NIN: variants seen among roughly 807,000 people sequenced by gnomAD.
NIN encodes ninein, also known as glycogen synthase kinase 3 beta-interacting protein.
NIN carries 137 observed loss-of-function variants against 257.6 expected under a neutral mutation model. That is an observed-to-expected ratio of 0.53 (90% CI 0.46 to 0.61). The LOEUF (loss-of-function observed/expected upper bound fraction) is 0.61, where lower values mean the gene tolerates loss of function less well. Ranked by LOEUF, NIN falls within the 20% of genes least tolerant of loss-of-function variation. The pLI, the probability that NIN is intolerant of heterozygous loss-of-function variation, is 0.00. For missense variants in NIN, 2,439 were observed against 2,501.2 expected (o/e 0.98, Z 0.53); for synonymous variants, 918 against 919.8 (o/e 1.00, Z 0.04).
At position 50,756,789 on chromosome 14, in the gene NIN, C is replaced by G. The variant is rs775121877; in HGVS notation, c.4241G>C (p.Gly1414Ala). The G allele has an allele frequency of 3.2e-6, 5 of 1,551,408 alleles. No individual in the cohort carries two copies. In the South Asian group the frequency reaches 4.8e-5, roughly 15 times the overall value. The change falls in exon 18 of 31, where the codon GGA becomes GCA. Residue 1414 changes from glycine (G) to alanine (A), a missense_variant. Gly to Ala is a moderately conservative substitution (Grantham distance 60). Transcript: ENST00000530997. ...CCTTTCTTGATGTGTCTGAATTGTT[C>G]CATGTAACCAGGCAATTTCATGTGC... ...VKAHEIAWLH[G>A]TIQTHQERPR...
rs994791073 is a variant in NIN at position 50,831,089 on chromosome 14, G to T, written c.-159C>A. The T allele has an allele frequency of 4.7e-5, 7 of 149,794 alleles. No individual in the cohort carries two copies. The highest frequency in any genetic ancestry group is 1.7e-4 in the African/African-American group (7 of 41,164). 9.3% of individuals were successfully genotyped at this position (149,794 alleles called of 1,614,324 possible). ...CCGGGCTTGGCGGCGGCAGCGGGAC[G>T]GCCGCGCCCAGCGCGCTCGGCTCCC... On this transcript the variant is annotated 5_prime_UTR_variant, in exon 1 of 31. Transcript: ENST00000530997.
chr14:50,762,566 G>T (rs1430378021), intron 15 of NIN, among the ~76,000 whole-genome samples: 2 of 152,142 alleles, frequency 1.3e-5, no homozygotes, highest in African/African-American at 4.8e-5. Context: ...CAGGGCATAG[G>T]TTAGGAACCA....
At chr14:50,763,173 T>C (rs900395242) in intron 15 of NIN, among the ~76,000 whole-genome samples, 1 of 152,022 alleles carries the variant, frequency 6.6e-6, no homozygotes, top group Admixed American at 6.5e-5. Flanking sequence ...TATAACAGAA[T>C]AACTGATTAT....
At chr14:50,749,578 T>C (rs2140663418) in intron 21 of NIN, among the ~76,000 whole-genome samples, 1 of 152,360 alleles carries the variant, frequency 6.6e-6, no homozygotes, top group East Asian at 1.9e-4. Context: ...ACTGGGGTGT[T>C]TGCCTAATGA....
At chr14:50,794,097 T>C (rs1358009017) in intron 4 of NIN, among the ~76,000 whole-genome samples, 4 of 152,206 alleles carry the variant, frequency 2.6e-5, no homozygotes, top group African/African-American at 9.7e-5. Flanking sequence ...GACCGTTCCT[T>C]TATCACCATT....
intron 20 of NIN, among the ~76,000 whole-genome samples, chr14:50,753,405 G>C (rs960604171): frequency 6.6e-6 from 1 of 151,606 alleles, no homozygotes. Flanking sequence ...CGTCTCAAAA[G>C]GAAAAAAGAC....
At chr14:50,816,913 G>A (rs2044926859) in intron 3 of NIN, among the ~76,000 whole-genome samples, 1 of 152,146 alleles carries the variant, frequency 6.6e-6, no homozygotes, top group Non-Finnish European at 1.5e-5. Context: ...ACACAACGAT[G>A]TACTGTACAC....
intron 1 of NIN, 69 bp from the exon 2 acceptor site, chr14:50,830,586 G>A (rs999053807): frequency 6.0e-6 from 1 of 167,914 alleles, no homozygotes; most frequent in East Asian, 1.9e-4. Context: ...CCGGCGCAGC[G>A]GTTCCGGGCG....
At position 50,756,884 on chromosome 14, in the gene NIN, A is replaced by AT. The variant is rs1281148205; in HGVS notation, c.4145dup (p.His1382GlnfsTer7). The AT allele has an allele frequency of 6.4e-7, 1 of 1,553,816 alleles. No homozygotes were observed. The highest frequency in any genetic ancestry group is 8.7e-7 in the Non-Finnish European group (1 of 1,147,810). On this transcript the variant is annotated frameshift_variant, in exon 18 of 31. Transcript: ENST00000530997. LOFTEE classifies it high-confidence loss of function. ...TTTCTTGCTTACATTCCTCTATGAC[A>AT]TGATGTACACTCCTAACCCTGGGCA...
At position 50,757,900 on chromosome 14, in the gene NIN, C is replaced by G. The variant is rs2042105949; in HGVS notation, c.3130G>C (p.Val1044Leu). 1 of 1,614,180 alleles carries G rather than the reference C, an allele frequency of 6.2e-7. No individual in the cohort carries two copies. Among genetic ancestry groups the G allele is most frequent in the African/African-American group, 1.3e-5 (1 of 75,052 alleles). Residue 1044 changes from valine (V) to leucine (L), a missense_variant, in exon 18 of 31, where the codon GTG becomes CTG. By Grantham distance (32) the Val-to-Leu change is conservative (BLOSUM62 1). Around this residue, in one of 3 missense-constraint regions of NIN, gnomAD observed 2,043 missense variants for 2,050.2 expected, o/e 1.00. Coordinates refer to ENST00000530997, the MANE Select transcript of NIN (RefSeq NM_020921.4). ...SGCQVIGEEE[V>L]EGDGALSLLQ... Reference sequence around the variant, plus strand: ...AGGGACAGGGCTCCATCTCCTTCCACCTCCTCCTCTCCTATCACCTGGCAA... The same window carrying G: ...AGGGACAGGGCTCCATCTCCTTCCAGCTCCTCCTCTCCTATCACCTGGCAA...
rs764458865 is a variant in NIN at position 50,727,704 on chromosome 14, CCTT to C, written c.6079-1641_6079-1639del. On this transcript the variant is annotated intron_variant, in intron 29 of 30. Transcript: ENST00000530997. ...AGCCCAGTTTTCACAGGTGCCCAAT[CCTT>C]CTGTAGGAATCTGCGTGCACTGCTC... is the stretch of plus-strand genomic sequence containing the variant. The C allele has an allele frequency of 2.9e-5, 41 of 1,438,322 alleles. No individual in the cohort carries two copies. In the Middle Eastern group the frequency reaches 7.7e-4, roughly 27 times the overall value. 89.1% of individuals were successfully genotyped at this position (1,438,322 alleles called of 1,614,324 possible). A position where few individuals can be genotyped will look rare whatever the true frequency, so the allele number is the denominator to read the frequency against.
At chr14:50,815,536 C>T (rs2044851783) in intron 3 of NIN, among the ~76,000 whole-genome samples, 4 of 152,054 alleles carry the variant, frequency 2.6e-5, no homozygotes, top group African/African-American at 9.7e-5. Flanking sequence ...AATCCCATTA[C>T]TAAGTATATA....
intron 3 of NIN, among the ~76,000 whole-genome samples, chr14:50,814,462 A>C (rs956903253): frequency 1.2e-4 from 19 of 152,206 alleles, no homozygotes; most frequent in Non-Finnish European, 1.2e-4. Context: ...ATCTTAGTCC[A>C]CCTTCATCAC....
intron 5 of NIN, among the ~76,000 whole-genome samples, chr14:50,788,204 G>T (rs1017839400): frequency 6.6e-6 from 1 of 152,124 alleles, no homozygotes; most frequent in East Asian, 1.9e-4. Flanking sequence ...CAGGAGAGGA[G>T]GCCAAGGTGG....
rs761475437 is a variant in NIN at position 50,778,756 on chromosome 14, G to A, written c.475+9C>T. On this transcript the variant is annotated intron_variant, in intron 6 of 30. Coordinates refer to ENST00000530997, the MANE Select transcript of NIN (RefSeq NM_020921.4). ...CTTCCAGGCACGTCCTGACACACTCGGCTCTTACCTTCCGCTTCATACTCC... is the reference window on the plus strand; with the variant it reads ...CTTCCAGGCACGTCCTGACACACTCAGCTCTTACCTTCCGCTTCATACTCC... The A allele has an allele frequency of 2.1e-5, 34 of 1,613,704 alleles. No individual in the cohort carries two copies. Among genetic ancestry groups the A allele is most frequent in the African/African-American group, 5.3e-5 (4 of 74,882 alleles).
At position 50,818,746 on chromosome 14, in the gene NIN, C is replaced by G. The variant is rs116524401; in HGVS notation, c.183+3128G>C. 2.8e-3 allele frequency among the ~76,000 whole-genome samples: 425 copies of G among 152,262 alleles called. 3 individuals carry two copies. Among genetic ancestry groups the G allele is most frequent in the African/African-American group, 0.01 (420 of 41,554 alleles). The stretch of plus-strand genomic sequence containing the variant: ...GCATTTCAAACACCTGTACAGTAAC[C>G]ACCTTGCTCAGGTGAATATGGTTTC... On this transcript the variant is annotated intron_variant, in intron 3 of 30. Transcript: ENST00000530997.
chr14:50,725,969 T>C lies in NIN; in HGVS notation c.6176A>G (p.Asn2059Ser). Residue 2059 changes from asparagine to serine, a missense_variant, in exon 30 of 31, where the codon AAT becomes AGT. Asn to Ser is a conservative substitution (Grantham distance 46, BLOSUM62 1). Transcript: ENST00000530997. Reference protein sequence around the residue: ...LVKRLLQEKVNQLKEQLCKNT... With the variant: ...LVKRLLQEKVSQLKEQLCKNT... ...TAGGCTCACTTGTTCTTTGAGCTGATTCACTTTCTCTTGAAGAAGCCTTTT... is the reference window on the plus strand; with the variant it reads ...TAGGCTCACTTGTTCTTTGAGCTGACTCACTTTCTCTTGAAGAAGCCTTTT... 6.2e-7 allele frequency: 1 copy of C among 1,614,138 alleles called. No individual in the cohort carries two copies. The highest frequency in any genetic ancestry group is 1.1e-5 in the South Asian group (1 of 91,068).
At chr14:50,825,937 C>CT (rs1481339879) in intron 2 of NIN, among the ~76,000 whole-genome samples, 2 of 151,992 alleles carry the variant, frequency 1.3e-5, no homozygotes, top group African/African-American at 2.4e-5. Flanking sequence ...TACACATTCC[C>CT]TTTTTTTTCT....
intron 3 of NIN, among the ~76,000 whole-genome samples, chr14:50,820,710 G>T (rs993184917): frequency 6.6e-6 from 1 of 152,022 alleles, no homozygotes; most frequent in African/African-American, 2.4e-5. Flanking sequence ...CCCTCCCCCC[G>T]CCACAAGAGG....
Sources: allele counts gnomAD v4.1 joint callset (sites outside exome capture counted in the v4.1 genomes callset), GRCh38; gene constraint gnomAD v4.1.1; regional missense constraint gnomAD v4.1.1; transcripts MANE v1.5; gene names NCBI Gene and HGNC (gene_info 2026-07-23, HGNC 2026-07-21).